AQR: variants seen among roughly 807,000 people sequenced by gnomAD.
The protein encoded by AQR is aquarius intron-binding spliceosomal factor.
In AQR, 61 loss-of-function variants were observed where a neutral mutation model predicts 180.5. The observed-to-expected ratio is 0.34, with a 90% confidence interval of 0.28 to 0.42. AQR has a LOEUF of 0.42. AQR is among the 10% of genes least tolerant of loss of function. AQR has a pLI of 1.00. For synonymous variants in AQR, 551 were observed against 588.8 expected, an observed-to-expected ratio of 0.94 and a Z score of 0.93; for missense variants, 1,281 against 1,798.3, an observed-to-expected ratio of 0.71 and a Z score of 5.20.
chr15:34,943,222 A>G, intron 6 of AQR: 1 of 1,610,482 alleles, frequency 6.2e-7, no homozygotes. Flanking sequence ...CAGAGTGGCT[A>G]TGGTGGGCAA....
intron 5 of AQR, among the ~76,000 whole-genome samples, chr15:34,945,259 G>A (rs75707587): frequency 0.018 from 2,763 of 152,052 alleles, 77 homozygotes; most frequent in African/African-American, 0.058. Context: ...AATTTAAACT[G>A]AATATGTCCA....
intron 3 of AQR, among the ~76,000 whole-genome samples, chr15:34,953,226 T>TA (rs1420772132): frequency 1.3e-5 from 2 of 151,946 alleles, no homozygotes; most frequent in Non-Finnish European, 2.9e-5. Flanking sequence ...ACAGTGAGCT[T>TA]AAAATACTAA....
chr15:34,955,422 C>T (rs1172680904), intron 3 of AQR, among the ~76,000 whole-genome samples: 1 of 152,152 alleles, frequency 6.6e-6, no homozygotes, highest in East Asian at 1.9e-4. Context: ...ATCCCAACAA[C>T]CTCCTCTTTT....
intron 25 of AQR, 80 bp from the exon 26 acceptor site, chr15:34,884,814 C>T: frequency 9.3e-7 from 1 of 1,080,542 alleles, no homozygotes; most frequent in Non-Finnish European, 1.3e-6. Context: ...CTTATAAAAA[C>T]AAGATCTGCT....
At chr15:34,921,298 G>T (rs1467304897) in intron 13 of AQR, among the ~76,000 whole-genome samples, 1 of 151,790 alleles carries the variant, frequency 6.6e-6, no homozygotes, top group East Asian at 1.9e-4. Context: ...GCCAGGCGTG[G>T]TGGTGAGCGC....
chr15:34,903,746 T>G (rs1893369679), intron 19 of AQR, among the ~76,000 whole-genome samples: 1 of 152,156 alleles, frequency 6.6e-6, no homozygotes, highest in Non-Finnish European at 1.5e-5. Context: ...ATGCTAGAAC[T>G]GTTCAATGTT....
At chr15:34,964,114 T>C (rs1346425961) in intron 2 of AQR, 120 bp downstream of exon 2, 1 of 732,474 alleles carries the variant, frequency 1.4e-6, no homozygotes, top group African/African-American at 1.8e-5. Flanking sequence ...AAAAATTGTA[T>C]TTTTTGTAGA....
At chr15:34,887,124 C>CA (rs1227002929) in intron 24 of AQR, among the ~76,000 whole-genome samples, 2,248 of 123,914 alleles carry the variant, frequency 0.018, 55 homozygotes, top group African/African-American at 0.059. Context: ...GACTCCGTCT[C>CA]AAAAAAAAAA....
intron 19 of AQR, among the ~76,000 whole-genome samples, chr15:34,903,425 C>T (rs1893363689): frequency 6.6e-6 from 1 of 151,972 alleles, no homozygotes; most frequent in Non-Finnish European, 1.5e-5. Flanking sequence ...GAGGAATAGA[C>T]AAGAAAGGAG....
intron 24 of AQR, among the ~76,000 whole-genome samples, chr15:34,888,338 C>G (rs1259344147): frequency 9.2e-5 from 14 of 151,660 alleles, no homozygotes; most frequent in Non-Finnish European, 2.1e-4. Flanking sequence ...ATATACAGTA[C>G]AATTAAACTC....
At chr15:34,894,688 T>C (rs368855676) in intron 22 of AQR, among the ~76,000 whole-genome samples, 9 of 152,126 alleles carry the variant, frequency 5.9e-5, no homozygotes, top group Non-Finnish European at 1.5e-5. Context: ...TATTTAGATG[T>C]AGCACATAAA....
chr15:34,939,872 G>T (rs4924369), intron 8 of AQR, among the ~76,000 whole-genome samples: 93,949 of 152,106 alleles, frequency 0.62, 31,055 homozygotes, highest in South Asian at 0.75. Flanking sequence ...CTACTGTCCA[G>T]ATTTCACAAT....
At chr15:34,919,845 C>A (rs536815745) in intron 14 of AQR, among the ~76,000 whole-genome samples, 53 of 152,178 alleles carry the variant, frequency 3.5e-4, no homozygotes, top group African/African-American at 1.3e-3. Flanking sequence ...TTGCAGTGAG[C>A]TGAGATCACG....
intron 18 of AQR, among the ~76,000 whole-genome samples, chr15:34,906,275 G>A (rs1893415482): frequency 1.3e-5 from 2 of 152,032 alleles, no homozygotes; most frequent in Admixed American, 6.6e-5. Context: ...CAGGGCTGAG[G>A]CTGGAGAATC....
chr15:34,873,549 TTTTC>T (rs1339814838), intron 30 of AQR, among the ~76,000 whole-genome samples: 14 of 152,156 alleles, frequency 9.2e-5, no homozygotes, highest in Admixed American at 7.2e-4. Flanking sequence ...CAATCGCTAT[TTTTC>T]TTTATGATTT....
At chr15:34,936,384 C>T (rs1231017779) in intron 9 of AQR, among the ~76,000 whole-genome samples, 2 of 152,160 alleles carry the variant, frequency 1.3e-5, no homozygotes, top group South Asian at 2.1e-4. Flanking sequence ...CCTTTGCCAG[C>T]AAGCTGACAA....
At chr15:34,943,217 T>C (rs758634940) in intron 6 of AQR, 1 of 1,610,314 alleles carries the variant, frequency 6.2e-7, no homozygotes, top group Non-Finnish European at 8.5e-7. Context: ...GGAAGCAGAG[T>C]GGCTATGGTG....
At position 34,893,645 on chromosome 15, in the gene AQR, A is replaced by ACACACACG. The variant is rs1893186770; in HGVS notation, c.2571+17_2571+18insCGTGTGTG. 1 of 1,587,752 alleles carries ACACACACG rather than the reference A, an allele frequency of 6.3e-7. No homozygotes were observed. The highest frequency in any genetic ancestry group is 1.1e-5 in the South Asian group (1 of 90,600). On this transcript the variant is annotated intron_variant, in intron 23 of 34. Coordinates refer to ENST00000156471, the MANE Select transcript of AQR (RefSeq NM_014691.3). Reference sequence around the variant, plus strand: ...CACACACACACACACACACACACACACACACACAGTCATTTACCTGATTGG... The same window carrying ACACACACG: ...CACACACACACACACACACACACACACACACACGCACACACAGTCATTTACCTGATTGG...
Position 34,964,393 on chromosome 15 carries a change from C to T in AQR, c.76-103G>A, listed in dbSNP as rs777673629. On this transcript the variant is annotated intron_variant, in intron 1 of 34. Transcript: ENST00000156471. Reference sequence around the variant, plus strand: ...AGCGGTTTCTTAACAAGGCCCTACTCGGCACTGGGGGACAGAGTATATCTG... The same window carrying T: ...AGCGGTTTCTTAACAAGGCCCTACTTGGCACTGGGGGACAGAGTATATCTG... 1.1e-5 allele frequency: 10 copies of T among 940,224 alleles called. 1 individual carries two copies. The highest frequency in any genetic ancestry group is 6.5e-5 in the African/African-American group (4 of 61,276). 58.2% of individuals were successfully genotyped at this position (940,224 alleles called of 1,614,324 possible).
Sources: gnomAD v4.1 joint callset for allele counts (sites outside exome capture counted in the v4.1 genomes callset) on GRCh38, gnomAD v4.1.1 for gene constraint, MANE v1.5 for transcripts, NCBI Gene and HGNC (gene_info 2026-07-23, HGNC 2026-07-21) for gene names.